PDE4D: variants seen among roughly 807,000 people sequenced by gnomAD.
The protein encoded by PDE4D is 3',5'-cyclic-AMP phosphodiesterase 4D.
In PDE4D, 24 loss-of-function variants were observed where a neutral mutation model predicts 87.4. The ratio of observed to expected loss-of-function variants is 0.27; its 90% confidence interval spans 0.20 to 0.39. PDE4D has a LOEUF of 0.39. PDE4D is among the 10% of genes least tolerant of loss of function. PDE4D has a pLI of 1.00. For synonymous variants in PDE4D, 384 were observed against 383.2 expected, an observed-to-expected ratio of 1.00 and a Z score of -0.02; for missense variants, 714 against 1,041.0, an observed-to-expected ratio of 0.69 and a Z score of 4.32.
intron 1 of PDE4D, among the ~76,000 whole-genome samples, chr5:59,748,835 T>TA (rs1473466240): frequency 6.6e-6 from 1 of 152,160 alleles, no homozygotes; most frequent in East Asian, 1.9e-4. Context: ...ACCCAGCCCT[T>TA]TGGAGAAGCA....
chr5:59,585,593 C>G (rs1178141630), intron 1 of PDE4D, among the ~76,000 whole-genome samples: 4 of 152,138 alleles, frequency 2.6e-5, no homozygotes, highest in African/African-American at 4.8e-5. Context: ...AAATAATGAC[C>G]TTTTGCTCTT....
chr5:59,884,123 T>C (rs1201108176), intron 1 of PDE4D, among the ~76,000 whole-genome samples: 2 of 152,046 alleles, frequency 1.3e-5, no homozygotes, highest in Non-Finnish European at 2.9e-5. Flanking sequence ...TATCCTCTCT[T>C]CACACACCTG....
chr5:59,762,796 A>G (rs35339176), intron 1 of PDE4D, among the ~76,000 whole-genome samples: 23,470 of 143,038 alleles, frequency 0.16, 2,430 homozygotes, highest in Middle Eastern at 0.32. Context: ...CATATTTTAT[A>G]TATATATTCA....
Position 59,269,906 on chromosome 5 carries a change from T to C in PDE4D, c.456-53938A>G, listed in dbSNP as rs184567763. Among the ~76,000 whole-genome samples the C allele has an allele frequency of 7.2e-5, 11 of 152,182 alleles. No individual in the cohort carries two copies. The East Asian group carries it at 2.1e-3, about 29-fold the overall frequency. On this transcript the variant is annotated intron_variant, in intron 1 of 14. Coordinates refer to ENST00000340635, the MANE Select transcript of PDE4D (RefSeq NM_001104631.2). ...TTGAAATAAACGTGTTTAAAATCCATTGACCTGCCTTGCCCCTTTTATTTT... is the reference window on the plus strand; with the variant it reads ...TTGAAATAAACGTGTTTAAAATCCACTGACCTGCCTTGCCCCTTTTATTTT...
At chr5:59,674,112 A>G (rs1747668753) in intron 1 of PDE4D, among the ~76,000 whole-genome samples, 1 of 152,222 alleles carries the variant, frequency 6.6e-6, no homozygotes, top group South Asian at 2.1e-4. Flanking sequence ...AGTAAGATAA[A>G]ATAAATAGCA....
At chr5:59,429,950 A>G (rs1181644475) in intron 1 of PDE4D, among the ~76,000 whole-genome samples, 3 of 152,186 alleles carry the variant, frequency 2.0e-5, no homozygotes, top group African/African-American at 7.2e-5. Flanking sequence ...GTTACTGGGC[A>G]TCTGGTATAA....
At chr5:60,112,977 C>T (rs1333399741) in intron 2 of PDE4D, among the ~76,000 whole-genome samples, 4 of 152,058 alleles carry the variant, frequency 2.6e-5, no homozygotes. Context: ...GAGGGTTGGG[C>T]ATCCAATCCA....
At chr5:60,320,803 T>C (rs1332522109) in intron 1 of PDE4D, among the ~76,000 whole-genome samples, 1 of 151,982 alleles carries the variant, frequency 6.6e-6, no homozygotes, top group Non-Finnish European at 1.5e-5. Context: ...AATCCTACAA[T>C]AGCCACAAAA....
At chr5:59,275,917 G>T (rs1764707089) in intron 1 of PDE4D, 1 of 985,340 alleles carries the variant, frequency 1.0e-6, no homozygotes, top group Non-Finnish European at 1.2e-6. Flanking sequence ...GTGGAGCAAA[G>T]AAGTCAGCCA....
intron 2 of PDE4D, among the ~76,000 whole-genome samples, chr5:60,184,651 T>A (rs1784633721): frequency 6.6e-6 from 1 of 152,220 alleles, no homozygotes; most frequent in Non-Finnish European, 1.5e-5. Flanking sequence ...CTGCACATAC[T>A]CATGCCTCAC....
chr5:60,393,804 T>A (rs1483552557), intron 1 of PDE4D, among the ~76,000 whole-genome samples: 1 of 152,228 alleles, frequency 6.6e-6, no homozygotes, highest in South Asian at 2.1e-4. Flanking sequence ...AATGAATGGC[T>A]AGTCCATTTT....
chr5:59,625,036 A>G (rs1198440440), intron 1 of PDE4D, among the ~76,000 whole-genome samples: 1 of 152,232 alleles, frequency 6.6e-6, no homozygotes, highest in African/African-American at 2.4e-5. Flanking sequence ...ATATTACTTT[A>G]CATGGAAAAA....
rs1399604050 is a variant in PDE4D, at chr5:60,267,873, A to C, written c.-89-82186T>G. ...TCTGCTGTCTGTGGCAAGATTTATC[A>C]GGGCGCTGTAGGAGTTTCTGACAAA... On this transcript the variant is annotated intron_variant, in intron 1 of 16. Coordinates refer to the PDE4D transcript ENST00000502484. 4.6e-5 allele frequency among the ~76,000 whole-genome samples: 7 copies of C among 152,186 alleles called. No homozygotes were observed. In the East Asian group the frequency reaches 1.2e-3, roughly 25 times the overall value.
intron 1 of PDE4D, among the ~76,000 whole-genome samples, chr5:59,481,571 T>C (rs910771866): frequency 3.3e-5 from 5 of 152,082 alleles, no homozygotes; most frequent in African/African-American, 1.2e-4. Flanking sequence ...TGGGTGCATT[T>C]GGGTGGTGGT....
chr5:59,927,720 C>A (rs987811175), intron 3 of PDE4D, among the ~76,000 whole-genome samples: 3 of 152,034 alleles, frequency 2.0e-5, no homozygotes, highest in South Asian at 2.1e-4. Flanking sequence ...GAAATGTAAC[C>A]AAAAGTTCTT....
chr5:59,334,686 A>T (rs1187477405), intron 1 of PDE4D, among the ~76,000 whole-genome samples: 1 of 151,950 alleles, frequency 6.6e-6, no homozygotes, highest in Non-Finnish European at 1.5e-5. Flanking sequence ...CCTTGGTACC[A>T]CCATTGTTTT....
intron 1 of PDE4D, among the ~76,000 whole-genome samples, chr5:60,364,534 T>C (rs1760358573): frequency 6.6e-6 from 1 of 152,216 alleles, no homozygotes; most frequent in Admixed American, 6.5e-5. Flanking sequence ...TCATAAAATA[T>C]TGAATTCTGA....
At chr5:59,093,220 A>T (rs1184055274) in intron 5 of PDE4D, among the ~76,000 whole-genome samples, 1 of 152,190 alleles carries the variant, frequency 6.6e-6, no homozygotes, top group East Asian at 1.9e-4. Flanking sequence ...GAGGCAGCAG[A>T]ATTAAGGAAG....
chr5:60,466,635 T>C (rs941474424), intron 1 of PDE4D, among the ~76,000 whole-genome samples: 2 of 152,226 alleles, frequency 1.3e-5, no homozygotes, highest in African/African-American at 4.8e-5. Context: ...TTCAATGAGA[T>C]TGAAATCACC....
Sources: allele counts gnomAD v4.1 joint callset (sites outside exome capture counted in the v4.1 genomes callset), GRCh38; gene constraint gnomAD v4.1.1; transcripts MANE v1.5; gene names NCBI Gene and HGNC (gene_info 2026-07-23, HGNC 2026-07-21).